The following EYA2 variants were observed in gnomAD, a reference collection of about 807,000 sequenced individuals.
The protein encoded by EYA2 is EYA transcriptional coactivator and phosphatase 2.
In EYA2, 31 loss-of-function variants were observed where a neutral mutation model predicts 69.2. The ratio of observed to expected loss-of-function variants is 0.45; its 90% CI spans 0.34 to 0.60. The LOEUF is 0.60. Among genes scored for constraint, EYA2 ranks in the 20% least tolerant of loss-of-function variants. EYA2 has a pLI of 0.02. For synonymous variants in EYA2, 257 were observed against 279.4 expected, an observed-to-expected ratio of 0.92 and a Z score of 0.80; for missense variants, 622 against 701.2, an observed-to-expected ratio of 0.89 and a Z score of 1.28.
At chr20:47,131,795 A>G (rs2033348290) in intron 9 of EYA2, among the ~76,000 whole-genome samples, 1 of 152,262 alleles carries the variant, frequency 6.6e-6, no homozygotes, top group African/African-American at 2.4e-5. Context: ...CTATTAGAGA[A>G]TAAGTGTACA....
chr20:47,117,430 A>T lies in EYA2; in HGVS notation c.888+20262A>T. On this transcript the variant is annotated intron_variant, in intron 9 of 15. Transcript: ENST00000327619. ...TTGCAGATCCAGAGGCCAGGTCGAG[A>T]GAGCATGACCTGATCTCCACAGCTC... 10 of 985,070 alleles carry T rather than the reference A, an allele frequency of 1.0e-5. No homozygotes were observed. The South Asian group carries it at 3.8e-4, about 37-fold the overall frequency. The allele number at this position is 985,070 out of a possible 1,614,324, so 61.0% of individuals were successfully genotyped here.
At chr20:46,903,711 A>G (rs1294240618) in intron 1 of EYA2, among the ~76,000 whole-genome samples, 1 of 152,128 alleles carries the variant, frequency 6.6e-6, no homozygotes, top group Non-Finnish European at 1.5e-5. Context: ...AATAAACATG[A>G]AGTGTTTGGA....
intron 5 of EYA2, among the ~76,000 whole-genome samples, chr20:47,022,833 T>TC (rs1983838317): frequency 6.6e-6 from 1 of 151,906 alleles, no homozygotes; most frequent in African/African-American, 2.4e-5. Context: ...TTTGTTTATT[T>TC]TTTGTAGAGA....
chr20:46,969,715 C>A (rs1980025332), intron 1 of EYA2, among the ~76,000 whole-genome samples: 1 of 152,110 alleles, frequency 6.6e-6, no homozygotes, highest in Non-Finnish European at 1.5e-5. Context: ...ATTCCCTTGG[C>A]TTGGTTCAGC....
intron 1 of EYA2, among the ~76,000 whole-genome samples, chr20:46,933,738 C>A (rs1352490105): frequency 6.6e-6 from 1 of 152,222 alleles, no homozygotes; most frequent in Non-Finnish European, 1.5e-5. Flanking sequence ...ACGCAGGATC[C>A]TAGGGCCTTC....
chr20:46,895,996 T>G (rs953264755), intron 1 of EYA2, among the ~76,000 whole-genome samples: 4 of 152,228 alleles, frequency 2.6e-5, no homozygotes, highest in Admixed American at 6.5e-5. Flanking sequence ...GATACCCTTT[T>G]CTTTTCTTTC....
At chr20:47,183,608 T>C (rs1201522149) in intron 15 of EYA2, among the ~76,000 whole-genome samples, 2 of 152,156 alleles carry the variant, frequency 1.3e-5, no homozygotes, top group Non-Finnish European at 2.9e-5. Flanking sequence ...CTGCTGCCCC[T>C]GGTAGCCCTG....
intron 5 of EYA2, among the ~76,000 whole-genome samples, chr20:47,060,871 T>G (rs891282617): frequency 3.3e-4 from 38 of 116,834 alleles, no homozygotes; most frequent in Middle Eastern, 8.8e-3. Context: ...TTTTTTTTTT[T>G]GGAAATGGGG....
intron 11 of EYA2, among the ~76,000 whole-genome samples, chr20:47,170,646 CAA>C (rs56782816): frequency 2.7e-4 from 23 of 84,456 alleles, no homozygotes; most frequent in Admixed American, 2.8e-4. Flanking sequence ...GACTCCGTCT[CAA>C]AAAAAAAAAA....
chr20:47,165,254 G>A (rs1221521730), intron 10 of EYA2, among the ~76,000 whole-genome samples: 2 of 152,162 alleles, frequency 1.3e-5, no homozygotes, highest in Non-Finnish European at 1.5e-5. Context: ...TCCTTCTTGG[G>A]GAGAGGGGGT....
At chr20:47,079,471 TCTC>T (rs2031639851) in intron 7 of EYA2, among the ~76,000 whole-genome samples, 1 of 152,160 alleles carries the variant, frequency 6.6e-6, no homozygotes, top group Admixed American at 6.6e-5. Flanking sequence ...CATTGTCTCA[TCTC>T]CTTCTCTAAC....
At chr20:46,997,679 C>T (rs1248860743) in intron 2 of EYA2, 1 of 152,482 alleles carries the variant, frequency 6.6e-6, no homozygotes, top group Non-Finnish European at 1.5e-5. Context: ...ACCTAAGTTG[C>T]CATCAATGAC....
At chr20:46,971,487 T>C (rs1418956819) in intron 1 of EYA2, among the ~76,000 whole-genome samples, 1 of 152,248 alleles carries the variant, frequency 6.6e-6, no homozygotes, top group African/African-American at 2.4e-5. Flanking sequence ...TCCACCCTAG[T>C]GACTGCGCTT....
chr20:47,187,712 T>C (rs183032922), intron 15 of EYA2, among the ~76,000 whole-genome samples: 157 of 152,290 alleles, frequency 1.0e-3, no homozygotes, highest in African/African-American at 3.4e-3. Flanking sequence ...AAGAACAAAT[T>C]TTTAAAAAGG....
At chr20:47,090,313 C>T (rs2032040907) in intron 8 of EYA2, among the ~76,000 whole-genome samples, 1 of 150,566 alleles carries the variant, frequency 6.6e-6, no homozygotes. Flanking sequence ...AATCTCGGCT[C>T]ACCGCAACCT....
intron 9 of EYA2, among the ~76,000 whole-genome samples, chr20:47,135,836 A>AAAAAAC (rs1458831849): frequency 1.2e-5 from 1 of 83,336 alleles, no homozygotes; most frequent in Non-Finnish European, 2.2e-5. Flanking sequence ...AAAAAAAAAA[A>AAAAAAC]AAAAACAAAC....
chr20:46,999,267 AATGAG>A (rs1159298577), intron 2 of EYA2, among the ~76,000 whole-genome samples: 2 of 152,180 alleles, frequency 1.3e-5, no homozygotes, highest in Non-Finnish European at 2.9e-5. Context: ...TTTTACGAGG[AATGAG>A]ATTGTGGCTG....
chr20:47,159,966 G>T (rs1388475577), intron 10 of EYA2, among the ~76,000 whole-genome samples: 1 of 150,800 alleles, frequency 6.6e-6, no homozygotes, highest in Non-Finnish European at 1.5e-5. Flanking sequence ...GCAGTGTAGT[G>T]AGGAGAGGGT....
intron 10 of EYA2, among the ~76,000 whole-genome samples, chr20:47,163,698 C>CAAAAAAAAAAAAAAAAAA (rs11471495): frequency 1.2e-5 from 1 of 85,536 alleles, no homozygotes; most frequent in Non-Finnish European, 2.2e-5. Context: ...AACACTGTCT[C>CAAAAAAAAAAAAAAAAAA]AAAAAAAAAA....
Sources: allele counts gnomAD v4.1 joint callset (sites outside exome capture counted in the v4.1 genomes callset), GRCh38; gene constraint gnomAD v4.1.1; transcripts MANE v1.5; gene names NCBI Gene and HGNC (gene_info 2026-07-23, HGNC 2026-07-21).